UNC5D: variants seen among roughly 807,000 people sequenced by gnomAD.
UNC5D encodes the protein netrin receptor UNC5D.
UNC5D carries 39 observed loss-of-function variants against 105.4 expected under a neutral mutation model. The observed-to-expected ratio is 0.37, with a 90% CI of 0.29 to 0.48. The LOEUF (loss-of-function observed/expected upper bound fraction) is 0.48, where lower values mean the gene tolerates loss of function less well. UNC5D is among the 20% of genes least tolerant of loss of function. The probability of loss-of-function intolerance (pLI) is 0.98; values close to 1 mark genes in which losing one functional copy is unlikely to be tolerated. For missense variants in UNC5D, 991 were observed against 1,202.4 expected, an observed-to-expected ratio of 0.82 and a Z score of 2.60; for synonymous variants, 452 against 450.4, an observed-to-expected ratio of 1.00 and a Z score of -0.04.
At chr8:35,737,131 T>C (rs1202919489) in intron 11 of UNC5D, among the ~76,000 whole-genome samples, 1 of 152,160 alleles carries the variant, frequency 6.6e-6, no homozygotes, top group Non-Finnish European at 1.5e-5. Flanking sequence ...TTATAGTTAC[T>C]CTACTTTTGA....
intron 1 of UNC5D, among the ~76,000 whole-genome samples, chr8:35,369,169 A>ATACTGTAATT (rs1563351120): frequency 6.6e-6 from 1 of 152,160 alleles, no homozygotes; most frequent in African/African-American, 2.4e-5. Flanking sequence ...GGTGGTGAGT[A>ATACTGTAATT]TACTGTAATT....
At chr8:35,535,972 C>T (rs1381216389) in intron 1 of UNC5D, among the ~76,000 whole-genome samples, 1 of 152,174 alleles carries the variant, frequency 6.6e-6, no homozygotes, top group African/African-American at 2.4e-5. Context: ...AATATCTTGC[C>T]TAAGATCACA....
intron 4 of UNC5D, among the ~76,000 whole-genome samples, chr8:35,603,784 T>G (rs1820063739): frequency 6.6e-6 from 1 of 152,202 alleles, no homozygotes; most frequent in Admixed American, 6.5e-5. Context: ...ATTGATCCCT[T>G]TACTATTATG....
intron 1 of UNC5D, among the ~76,000 whole-genome samples, chr8:35,338,049 A>G (rs1811183244): frequency 6.6e-6 from 1 of 152,218 alleles, no homozygotes; most frequent in South Asian, 2.1e-4. Context: ...TGAAAAAGGA[A>G]CTCAAAATGA....
chr8:35,536,457 T>G (rs1586076829), intron 1 of UNC5D, among the ~76,000 whole-genome samples: 1 of 152,338 alleles, frequency 6.6e-6, no homozygotes, highest in African/African-American at 2.4e-5. Flanking sequence ...ATTAAGAAAC[T>G]GAAAACAAAT....
chr8:35,328,157 G>T (rs572941879), intron 1 of UNC5D, among the ~76,000 whole-genome samples: 3 of 152,080 alleles, frequency 2.0e-5, no homozygotes, highest in Admixed American at 2.0e-4. Flanking sequence ...ATGTGTATTT[G>T]TTCCAAAAAA....
At chr8:35,442,607 G>T (rs1807479961) in intron 1 of UNC5D, among the ~76,000 whole-genome samples, 1 of 151,880 alleles carries the variant, frequency 6.6e-6, no homozygotes, top group Admixed American at 6.6e-5. Context: ...TGATAGAATA[G>T]TTTGTTTAGT....
At chr8:35,287,148 C>A (rs1459801671) in intron 1 of UNC5D, among the ~76,000 whole-genome samples, 1 of 152,188 alleles carries the variant, frequency 6.6e-6, no homozygotes, top group Admixed American at 6.5e-5. Flanking sequence ...CACCAAAAAA[C>A]ACCTGCAAAG....
chr8:35,316,963 A>C (rs1809354333), intron 1 of UNC5D, among the ~76,000 whole-genome samples: 1 of 152,206 alleles, frequency 6.6e-6, no homozygotes, highest in Non-Finnish European at 1.5e-5. Context: ...AGCACAAAAT[A>C]AATGTTCTGA....
At chr8:35,307,296 A>G (rs1217702535) in intron 1 of UNC5D, among the ~76,000 whole-genome samples, 3 of 152,132 alleles carry the variant, frequency 2.0e-5, no homozygotes, top group Non-Finnish European at 4.4e-5. Flanking sequence ...GAGGTCAATA[A>G]TGTCTTTGTA....
intron 4 of UNC5D, among the ~76,000 whole-genome samples, chr8:35,649,367 T>C (rs1240638637): frequency 6.6e-6 from 1 of 152,126 alleles, no homozygotes; most frequent in Non-Finnish European, 1.5e-5. Flanking sequence ...GATAAAAGCT[T>C]GGACTCTGGC....
chr8:35,549,033 A>G (rs945678942), intron 1 of UNC5D, among the ~76,000 whole-genome samples: 1 of 152,210 alleles, frequency 6.6e-6, no homozygotes, highest in African/African-American at 2.4e-5. Context: ...CGGATTCAAA[A>G]CAGAAATTTG....
At chr8:35,615,487 G>A (rs1215446733) in intron 4 of UNC5D, among the ~76,000 whole-genome samples, 3 of 152,012 alleles carry the variant, frequency 2.0e-5, no homozygotes, top group African/African-American at 7.2e-5. Flanking sequence ...AGGTGACGCT[G>A]ATCTCTCTTT....
chr8:35,620,570 T>C (rs942288263), intron 4 of UNC5D, among the ~76,000 whole-genome samples: 1 of 152,190 alleles, frequency 6.6e-6, no homozygotes, highest in Non-Finnish European at 1.5e-5. Flanking sequence ...TGTGTGCCTG[T>C]GTGCAGTTGG....
intron 8 of UNC5D, among the ~76,000 whole-genome samples, chr8:35,718,619 C>T (rs991706924): frequency 6.6e-6 from 1 of 152,082 alleles, no homozygotes; most frequent in Non-Finnish European, 1.5e-5. Context: ...AACTCACTGG[C>T]GTTTGAAAAT....
intron 1 of UNC5D, among the ~76,000 whole-genome samples, chr8:35,454,228 G>C (rs1808342488): frequency 6.6e-6 from 1 of 152,014 alleles, no homozygotes; most frequent in Non-Finnish European, 1.5e-5. Context: ...TGGGGGAGGG[G>C]GAAGTTCCAG....
chr8:35,458,085 A>G (rs1237803708), intron 1 of UNC5D, among the ~76,000 whole-genome samples: 6 of 152,060 alleles, frequency 3.9e-5, no homozygotes, highest in Non-Finnish European at 8.8e-5. Flanking sequence ...ATTACTGGAG[A>G]GCACTGCTGC....
At chr8:35,427,388 A>G (rs1806325063) in intron 1 of UNC5D, among the ~76,000 whole-genome samples, 1 of 152,212 alleles carries the variant, frequency 6.6e-6, no homozygotes, top group Non-Finnish European at 1.5e-5. Context: ...GCTAGATGGG[A>G]AAACAGAACA....
intron 1 of UNC5D, among the ~76,000 whole-genome samples, chr8:35,540,162 G>A (rs940696595): frequency 6.6e-6 from 1 of 152,036 alleles, no homozygotes; most frequent in Non-Finnish European, 1.5e-5. Flanking sequence ...ATTAGTCAGT[G>A]GGACATATTC....
Sources: allele counts gnomAD v4.1 joint callset (sites outside exome capture counted in the v4.1 genomes callset), GRCh38; gene constraint gnomAD v4.1.1; transcripts MANE v1.5; gene names NCBI Gene and HGNC (gene_info 2026-07-23, HGNC 2026-07-21).